PCDHGA7: variants seen among roughly 807,000 people sequenced by gnomAD.
PCDHGA7 encodes the protein protocadherin gamma-A7.
In PCDHGA7, 44 loss-of-function variants were observed where a neutral mutation model predicts 58.3. That is an observed-to-expected ratio of 0.75 (90% CI 0.59 to 0.97). PCDHGA7 has a LOEUF of 0.97. PCDHGA7 is among the 50% of genes least tolerant of loss of function. PCDHGA7 has a pLI of 0.00. For synonymous variants in PCDHGA7, 516 were observed against 504.2 expected, an observed-to-expected ratio of 1.02 and a Z score of -0.31; for missense variants, 1,266 against 1,188.7, an observed-to-expected ratio of 1.06 and a Z score of -0.96.
intron 1 of PCDHGA7, among the ~76,000 whole-genome samples, chr5:141,469,803 A>G (rs1326367314): frequency 6.6e-6 from 1 of 152,174 alleles, no homozygotes; most frequent in Non-Finnish European, 1.5e-5. Context: ...TTGCAAAAAC[A>G]TTGTAGATAG....
In PCDHGA7 at chr5:141,431,930, C is replaced by A. The variant is rs761060241; in HGVS notation, c.2424+46607C>A. 236 of 1,613,932 alleles carry A rather than the reference C, an allele frequency of 1.5e-4. 1 individual carries two copies. The highest frequency in any genetic ancestry group is 1.4e-3 in the South Asian group (124 of 91,086). The stretch of plus-strand genomic sequence containing the variant: ...GATCTGTTTCATCCAAGGAAATCTG[C>A]CCTTTAAATTAGAAAAATCTTACGG... On this transcript the variant is annotated intron_variant, in intron 1 of 3. Transcript: ENST00000518325. This position sits in a 1 kb window ranked among gnomAD's most constrained non-coding sequence, Gnocchi z 4.8.
chr5:141,509,787 TCTC>T (rs2099878266), intron 3 of PCDHGA7, among the ~76,000 whole-genome samples: 1 of 152,132 alleles, frequency 6.6e-6, no homozygotes, highest in Non-Finnish European at 1.5e-5. Context: ...GAGATCATCA[TCTC>T]CTCAGCTTCA....
chr5:141,388,314 G>A (rs752079289), intron 1 of PCDHGA7: 4 of 1,613,824 alleles, frequency 2.5e-6, no homozygotes, highest in South Asian at 1.1e-5. Context: ...GCAAATAAGT[G>A]AGTCTGCACA....
In PCDHGA7 at chr5:141,431,059, C is replaced by G. The variant is rs367774626; in HGVS notation, c.2424+45736C>G. ...GGGAGGAGCTCTGTATGGGGGCCAT[C>G]AAGTGTCAATTAAATCTAGACATTC... On this transcript the variant is annotated intron_variant, in intron 1 of 3. Coordinates refer to ENST00000518325, the MANE Select transcript of PCDHGA7 (RefSeq NM_018920.4). This position sits in a 1 kb window ranked among gnomAD's most constrained non-coding sequence, Gnocchi z 4.8. 1 of 1,614,136 alleles carries G rather than the reference C, an allele frequency of 6.2e-7. No individual in the cohort carries two copies.
chr5:141,428,729 ATAT>A (rs2097158318), intron 1 of PCDHGA7: 2 of 159,768 alleles, frequency 1.3e-5, no homozygotes. Flanking sequence ...AATCTTAAAC[ATAT>A]TATATCTACT....
At chr5:141,424,526 T>C (rs1020206614) in intron 1 of PCDHGA7, 2 of 152,216 alleles carry the variant, frequency 1.3e-5, no homozygotes, top group Non-Finnish European at 2.9e-5. Context: ...AGTAAATCCA[T>C]ATATAGAAAT....
At chr5:141,415,863 GTGT>G in intron 1 of PCDHGA7, 1 of 1,107,154 alleles carries the variant, frequency 9.0e-7, no homozygotes, top group Non-Finnish European at 1.2e-6. Flanking sequence ...GTAGTTTATA[GTGT>G]TGTTGAGTAC....
intron 1 of PCDHGA7, chr5:141,388,455 T>C: frequency 6.2e-7 from 1 of 1,613,784 alleles, no homozygotes; most frequent in South Asian, 1.1e-5. Flanking sequence ...TGGCAGTAAA[T>C]ACCCTGAGAT....
chr5:141,510,847 AG>A, intron 3 of PCDHGA7, 99 bp from the exon 4 acceptor site: 3 of 1,595,350 alleles, frequency 1.9e-6, no homozygotes, highest in Non-Finnish European at 2.6e-6. Context: ...GTCAAGGCCC[AG>A]GGTGCTGTAT....
intron 1 of PCDHGA7, chr5:141,417,664 C>T: frequency 1.1e-6 from 1 of 911,118 alleles, no homozygotes; most frequent in Non-Finnish European, 1.6e-6. Context: ...CTGGGATTCC[C>T]TGCGCAGCCA....
rs2099883782 is a variant in PCDHGA7 at position 141,511,420 on chromosome 5, G to C, written c.*247G>C. The C allele has an allele frequency of 1.2e-6, 1 of 830,744 alleles. No homozygotes were observed. The allele number at this position is 830,744 out of a possible 1,614,324, so 51.5% of individuals were successfully genotyped here. On this transcript the variant is annotated 3_prime_UTR_variant, in exon 4 of 4. Transcript: ENST00000518325. ...TCCAATCAACTGCTGTACCCATGGG[G>C]GTAGTGGGGTTACTGTAGACACCAA...
intron 1 of PCDHGA7, among the ~76,000 whole-genome samples, chr5:141,445,332 A>G (rs1364481039): frequency 1.4e-4 from 22 of 152,140 alleles, no homozygotes; most frequent in Admixed American, 1.4e-3. Context: ...CCATCCAGAA[A>G]CAGTAAACAT....
rs118021618 is a variant in PCDHGA7, at chr5:141,382,926, C to T, written c.27C>T (p.Asp9=). Residue 9 remains aspartate, a synonymous_variant, in exon 1 of 4, where the codon GAC becomes GAT. Transcript: ENST00000518325. MAAQPRGG[D]YRGFFLLSIL... is the part of the protein sequence containing the mutation. ...TGGCGGCTCAGCCGAGGGGCGGGGA[C>T]TACAGAGGATTCTTCCTGCTCTCCA... 1,227 of 1,577,740 alleles carry T rather than the reference C, an allele frequency of 7.8e-4. 19 individuals carry two copies. The East Asian group carries it at 0.025, about 33-fold the overall frequency.
chr5:141,432,386 A>C lies in PCDHGA7; in HGVS notation c.2424+47063A>C. 1 of 1,614,204 alleles carries C rather than the reference A, an allele frequency of 6.2e-7. No homozygotes were observed. Among genetic ancestry groups the C allele is most frequent in the Non-Finnish European group, 8.5e-7 (1 of 1,180,032 alleles). ...GCGGGACAACGGGCACCCGCCCCTC[A>C]GCAGCAACGTGTCGTTGAGCCTGTT... On this transcript the variant is annotated intron_variant, in intron 1 of 3. Transcript: ENST00000518325. This position sits in a 1 kb window ranked among gnomAD's most constrained non-coding sequence, Gnocchi z 6.0.
Position 141,431,168 on chromosome 5 carries a change from G to A in PCDHGA7, c.2424+45845G>A, listed in dbSNP as rs779778442. On this transcript the variant is annotated intron_variant, in intron 1 of 3. Coordinates refer to ENST00000518325, the MANE Select transcript of PCDHGA7 (RefSeq NM_018920.4). This position sits in a 1 kb window ranked among gnomAD's most constrained non-coding sequence, Gnocchi z 4.8. Reference sequence around the variant, plus strand: ...CAATGCGCCTTACTTTCGTGAAAGTGAATTAGAAATAAAAATTAGTGAAAA... The same window carrying A: ...CAATGCGCCTTACTTTCGTGAAAGTAAATTAGAAATAAAAATTAGTGAAAA... The A allele has an allele frequency of 9.9e-6, 16 of 1,614,206 alleles. No individual in the cohort carries two copies. The Admixed American group carries it at 1.2e-4, about 12-fold the overall frequency.
intron 1 of PCDHGA7, among the ~76,000 whole-genome samples, chr5:141,445,652 A>C (rs1307606419): frequency 6.6e-6 from 1 of 152,212 alleles, no homozygotes; most frequent in African/African-American, 2.4e-5. Context: ...TGAATAGATT[A>C]ATAGGATGAG....
intron 1 of PCDHGA7, among the ~76,000 whole-genome samples, chr5:141,429,377 G>GTT (rs566693637): frequency 2.2e-4 from 33 of 149,524 alleles, no homozygotes; most frequent in South Asian, 1.5e-3. Context: ...GAGAAAATGT[G>GTT]TTTTTTTTTT....
chr5:141,448,956 C>A (rs2098619571), intron 1 of PCDHGA7, among the ~76,000 whole-genome samples: 1 of 151,948 alleles, frequency 6.6e-6, no homozygotes, highest in Non-Finnish European at 1.5e-5. Context: ...AAAAAACAAA[C>A]AAACAAACAA....
chr5:141,409,038 A>G (rs571756448), intron 1 of PCDHGA7: 9 of 1,614,026 alleles, frequency 5.6e-6, no homozygotes, highest in Non-Finnish European at 7.6e-6. Flanking sequence ...GAGATAAACT[A>G]CTACTTCCGA....
Sources: gnomAD v4.1 joint callset for allele counts (sites outside exome capture counted in the v4.1 genomes callset) on GRCh38, gnomAD v4.1.1 for gene constraint, Gnocchi (gnomAD v3.1) non-coding constraint, MANE v1.5 for transcripts, NCBI Gene and HGNC (gene_info 2026-07-23, HGNC 2026-07-21) for gene names.